STOX2: variants seen among roughly 807,000 people sequenced by gnomAD.
STOX2 encodes storkhead box 2.
In STOX2, 28 loss-of-function variants were observed where a neutral mutation model predicts 60.9. That is an observed-to-expected ratio of 0.46 (90% CI 0.34 to 0.63). The LOEUF (loss-of-function observed/expected upper bound fraction) is 0.63. Ranked by LOEUF, STOX2 falls within the 30% of genes least tolerant of loss-of-function variation. STOX2 has a pLI of 0.01. For synonymous variants in STOX2, 472 were observed against 463.9 expected, an observed-to-expected ratio of 1.02 and a Z score of -0.22; for missense variants, 1,024 against 1,187.7, an observed-to-expected ratio of 0.86 and a Z score of 2.03.
chr4:183,798,199 G>C (rs1738673074), intron 1 of STOX2: 4 of 800,428 alleles, frequency 5.0e-6, no homozygotes, highest in Non-Finnish European at 6.6e-6. Context: ...GCCGGGGGAG[G>C]AGCCGGGGGC....
rs761388201 is a variant in STOX2 at position 184,017,085 on chromosome 4, T to C, written c.2586-4T>C. On this transcript the variant is annotated splice_polypyrimidine_tract_variant and splice_region_variant and intron_variant, in intron 3 of 3. Coordinates refer to ENST00000308497, the MANE Select transcript of STOX2 (RefSeq NM_020225.3). Reference sequence around the variant, plus strand: ...AACAAAACAAACCCTTTTTGCTCTTTTAGTACTCGGGAGAGCCTGGCTTCC... The same window carrying C: ...AACAAAACAAACCCTTTTTGCTCTTCTAGTACTCGGGAGAGCCTGGCTTCC... The C allele has an allele frequency of 2.0e-5, 32 of 1,600,400 alleles. No individual in the cohort carries two copies. Among genetic ancestry groups the C allele is most frequent in the Non-Finnish European group, 2.6e-5 (30 of 1,174,474 alleles).
At chr4:183,817,534 T>C (rs1739181476) in intron 1 of STOX2, among the ~76,000 whole-genome samples, 1 of 152,128 alleles carries the variant, frequency 6.6e-6, no homozygotes, top group Admixed American at 6.5e-5. Context: ...GACTGGAAAC[T>C]CCAAATACAC....
chr4:184,009,122 C>T lies in STOX2; in HGVS notation c.320-36C>T, dbSNP rs1734015647. The T allele has an allele frequency of 2.1e-6, 3 of 1,407,234 alleles. No homozygotes were observed. Among genetic ancestry groups the T allele is most frequent in the Non-Finnish European group, 2.8e-6 (3 of 1,053,152 alleles). 87.2% of individuals were successfully genotyped at this position (1,407,234 alleles called of 1,614,324 possible). ...ATCAGGAATCCACATGTTCTGTCTT[C>T]ATTCTCACAAGTGGTTTTTTTTTTT... On this transcript the variant is annotated intron_variant, in intron 2 of 3. Coordinates refer to ENST00000308497, the MANE Select transcript of STOX2 (RefSeq NM_020225.3). The surrounding 1 kb of genome is among the most constrained non-coding windows in gnomAD (Gnocchi z 4.0).
chr4:183,858,035 A>C (rs993015759), intron 1 of STOX2, among the ~76,000 whole-genome samples: 40 of 152,140 alleles, frequency 2.6e-4, no homozygotes, highest in African/African-American at 8.9e-4. Flanking sequence ...TGCCTCCTGG[A>C]GTCCACAGTG....
intron 1 of STOX2, among the ~76,000 whole-genome samples, chr4:183,892,068 T>G (rs568704317): frequency 6.6e-6 from 1 of 152,334 alleles, no homozygotes; most frequent in African/African-American, 2.4e-5. Context: ...GCGTTCATGT[T>G]TAACCCCTGA....
rs57369052 is a variant in STOX2 at position 183,990,578 on chromosome 4, A to ATTTTTTTTTTT, written c.167-10720_167-10710dup. ...GAAGAGGGGCAGTTTAAAAAGCAGGATTTTTTTTTTTTTTTTTTTTTTTTT... is the reference window on the plus strand; with the variant it reads ...GAAGAGGGGCAGTTTAAAAAGCAGGATTTTTTTTTTTTTTTTTTTTTTTTTTTTTTTTTTTT... On this transcript the variant is annotated intron_variant, in intron 1 of 3. Transcript: ENST00000308497. Among the ~76,000 whole-genome samples the ATTTTTTTTTTT allele has an allele frequency of 1.1e-4, 9 of 82,478 alleles. 1 individual carries two copies. The highest frequency in any genetic ancestry group is 8.4e-4 in the East Asian group (2 of 2,390). The allele number at this position is 82,478 out of a possible 152,430, so 54.1% of individuals were successfully genotyped here. A position where few individuals can be genotyped will look rare whatever the true frequency, so the allele number is the denominator to read the frequency against.
intron 1 of STOX2, among the ~76,000 whole-genome samples, chr4:183,812,923 C>A (rs1739067943): frequency 6.6e-6 from 1 of 152,200 alleles, no homozygotes; most frequent in South Asian, 2.1e-4. Context: ...GAAGATATTT[C>A]ACACACTGCC....
intron 1 of STOX2, among the ~76,000 whole-genome samples, chr4:183,811,251 T>C (rs1739027419): frequency 2.0e-5 from 3 of 152,192 alleles, no homozygotes; most frequent in African/African-American, 4.8e-5. Flanking sequence ...GGTTTGGAAA[T>C]TGGAATTGTT....
intron 1 of STOX2, among the ~76,000 whole-genome samples, chr4:183,809,706 AT>A (rs1318389114): frequency 1.3e-5 from 2 of 152,056 alleles, no homozygotes; most frequent in African/African-American, 4.8e-5. Context: ...CCTGACTTTT[AT>A]TTTTTAAGTC....
intron 2 of STOX2, among the ~76,000 whole-genome samples, chr4:184,003,575 C>T (rs892961893): frequency 2.0e-5 from 3 of 152,316 alleles, no homozygotes; most frequent in East Asian, 1.9e-4. Context: ...CCAGGTCTAG[C>T]GCAGGAGTTT....
chr4:183,851,672 AGAAAGGATGAGG>A (rs1740142663), intron 1 of STOX2, among the ~76,000 whole-genome samples: 9 of 82,548 alleles, frequency 1.1e-4, no homozygotes, highest in African/African-American at 4.6e-4. Flanking sequence ...AAAGGATGAG[AGAAAGGATGAGG>A]GAAAGGATGA....
intron 1 of STOX2, among the ~76,000 whole-genome samples, chr4:183,820,205 G>T (rs547862931): frequency 2.0e-5 from 3 of 152,148 alleles, no homozygotes; most frequent in Admixed American, 6.5e-5. Flanking sequence ...GATTGTAAGC[G>T]TGAGCCACCA....
intron 1 of STOX2, among the ~76,000 whole-genome samples, chr4:183,817,432 T>C (rs1418688548): frequency 6.6e-6 from 1 of 152,158 alleles, no homozygotes; most frequent in Non-Finnish European, 1.5e-5. Flanking sequence ...CTGAAAGACA[T>C]AGTAGCCCTA....
chr4:183,860,711 G>A (rs957677139), intron 1 of STOX2, among the ~76,000 whole-genome samples: 1 of 152,170 alleles, frequency 6.6e-6, no homozygotes, highest in Non-Finnish European at 1.5e-5. Context: ...AAGACAAAAG[G>A]CCGTTCTTTT....
chr4:183,917,607 T>C (rs1579414234), intron 1 of STOX2, among the ~76,000 whole-genome samples: 1 of 152,250 alleles, frequency 6.6e-6, no homozygotes, highest in East Asian at 1.9e-4. Flanking sequence ...TGGCTGTTTA[T>C]AATGTAGACA....
At chr4:183,819,193 G>C (rs184724515) in intron 1 of STOX2, among the ~76,000 whole-genome samples, 14,441 of 152,106 alleles carry the variant, frequency 0.095, 2,192 homozygotes, top group African/African-American at 0.33. Flanking sequence ...CCAAGGCAGG[G>C]GGCTGGGAGG....
intron 1 of STOX2, among the ~76,000 whole-genome samples, chr4:183,910,516 G>GC (rs1316989562): frequency 6.6e-6 from 1 of 152,078 alleles, no homozygotes; most frequent in Admixed American, 6.5e-5. Context: ...CCCTCCCCCA[G>GC]CCCTGGGGAT....
intron 1 of STOX2, among the ~76,000 whole-genome samples, chr4:183,918,328 C>T (rs1286602338): frequency 1.3e-5 from 2 of 152,144 alleles, no homozygotes; most frequent in South Asian, 2.1e-4. Flanking sequence ...AGAGAATCAC[C>T]GTGCAGTCAG....
chr4:183,960,097 G>A (rs989796619), intron 1 of STOX2, among the ~76,000 whole-genome samples: 4 of 152,246 alleles, frequency 2.6e-5, no homozygotes, highest in Non-Finnish European at 5.9e-5. Context: ...GTGAGCAGCT[G>A]GGATGTGTTG....
Sources: allele counts gnomAD v4.1 joint callset (sites outside exome capture counted in the v4.1 genomes callset), GRCh38; gene constraint gnomAD v4.1.1; non-coding constraint Gnocchi (gnomAD v3.1); transcripts MANE v1.5; gene names NCBI Gene and HGNC (gene_info 2026-07-23, HGNC 2026-07-21).